SLC4A10: variants seen among roughly 807,000 people sequenced by gnomAD.
SLC4A10 encodes the protein sodium-driven chloride bicarbonate exchanger.
A neutral mutation model predicts 137.7 loss-of-function variants in SLC4A10; 42 were observed. The observed-to-expected ratio is 0.30, with a 90% CI of 0.24 to 0.39. SLC4A10 has a LOEUF of 0.39. SLC4A10 is among the 10% of genes least tolerant of loss of function. The pLI is 1.00. For synonymous variants in SLC4A10, 474 were observed against 464.1 expected (o/e 1.02, Z -0.27); for missense variants, 925 against 1,355.0 (o/e 0.68, Z 4.98).
At chr2:161,856,237 C>T (rs575327807) in intron 5 of SLC4A10, among the ~76,000 whole-genome samples, 1 of 151,984 alleles carries the variant, frequency 6.6e-6, no homozygotes, top group African/African-American at 2.4e-5. Flanking sequence ...ACATTTATCA[C>T]CTTAAAAATT....
intron 1 of SLC4A10, among the ~76,000 whole-genome samples, chr2:161,761,467 G>A (rs1257163672): frequency 6.6e-6 from 1 of 151,908 alleles, no homozygotes; most frequent in Non-Finnish European, 1.5e-5. Flanking sequence ...GAAATCTAGT[G>A]GCAGTTAATA....
chr2:161,724,730 C>A (rs2046043864), intron 1 of SLC4A10, among the ~76,000 whole-genome samples: 1 of 152,086 alleles, frequency 6.6e-6, no homozygotes, highest in East Asian at 1.9e-4. Flanking sequence ...AATGCCATTG[C>A]CCCCTCATTT....
At chr2:161,917,374 T>C (rs2105466669) in intron 15 of SLC4A10, among the ~76,000 whole-genome samples, 1 of 151,916 alleles carries the variant, frequency 6.6e-6, no homozygotes, top group Non-Finnish European at 1.5e-5. Context: ...GTGTAGATAG[T>C]GTAGATAGTT....
chr2:161,846,851 A>G (rs1273311874), intron 4 of SLC4A10, among the ~76,000 whole-genome samples: 10 of 152,192 alleles, frequency 6.6e-5, no homozygotes, highest in Admixed American at 6.6e-4. Flanking sequence ...ATAAAGGTGC[A>G]GCACAAGGGA....
chr2:161,800,668 G>A (rs1022461765), intron 2 of SLC4A10, among the ~76,000 whole-genome samples: 6 of 152,036 alleles, frequency 3.9e-5, no homozygotes, highest in African/African-American at 9.7e-5. Flanking sequence ...GTATCGAAGA[G>A]AATGACAGTA....
rs981422554 is a variant in SLC4A10 at position 161,896,864 on chromosome 2, C to A, written c.1341+2039C>A. On this transcript the variant is annotated intron_variant, in intron 11 of 26. Coordinates refer to ENST00000446997, the MANE Select transcript of SLC4A10 (RefSeq NM_001178015.2). ...CATATGCCTGGAAAGATTTTAGCCC[C>A]TACTTAAAACATATTATCCAAGAGG... Among the ~76,000 whole-genome samples, 3 of 152,026 alleles carry A rather than the reference C, an allele frequency of 2.0e-5. No individual in the cohort carries two copies. In the East Asian group the frequency reaches 5.8e-4, roughly 29 times the overall value.
intron 1 of SLC4A10, among the ~76,000 whole-genome samples, chr2:161,713,737 G>A (rs1347107121): frequency 6.6e-6 from 1 of 151,782 alleles, no homozygotes; most frequent in African/African-American, 2.4e-5. Context: ...CACGGAAGTC[G>A]CTGAATATTT....
At chr2:161,718,591 C>G (rs928986322) in intron 1 of SLC4A10, among the ~76,000 whole-genome samples, 1 of 152,098 alleles carries the variant, frequency 6.6e-6, no homozygotes, top group Non-Finnish European at 1.5e-5. Context: ...TGTTCAATTT[C>G]CATGTAGTTG....
intron 15 of SLC4A10, among the ~76,000 whole-genome samples, chr2:161,939,712 A>G (rs781335634): frequency 6.6e-6 from 1 of 152,160 alleles, no homozygotes; most frequent in Non-Finnish European, 1.5e-5. Context: ...TTGCCTAAAG[A>G]TTGATTCTAA....
At position 161,858,038 on chromosome 2, in the gene SLC4A10, G is replaced by T. The variant is rs1392389531; in HGVS notation, c.577+2908G>T. Among the ~76,000 whole-genome samples, 11 of 152,000 alleles carry T rather than the reference G, an allele frequency of 7.2e-5. No homozygotes were observed. The East Asian group carries it at 2.1e-3, about 29-fold the overall frequency. ...TAATTTTTGTTTTATTCTGTTTCAT[G>T]ATCATTTGTGGCCATAGTGATTAAC... On this transcript the variant is annotated intron_variant, in intron 5 of 26. Transcript: ENST00000446997.
chr2:161,859,899 C>T (rs1162891525), intron 5 of SLC4A10, among the ~76,000 whole-genome samples: 1 of 152,166 alleles, frequency 6.6e-6, no homozygotes, highest in Non-Finnish European at 1.5e-5. Context: ...CGCGCCTTTT[C>T]TCTTATCACC....
At chr2:161,807,903 C>T (rs1442833746) in intron 3 of SLC4A10, among the ~76,000 whole-genome samples, 3 of 151,922 alleles carry the variant, frequency 2.0e-5, no homozygotes, top group Non-Finnish European at 2.9e-5. Flanking sequence ...TATGCAATTC[C>T]AAATTGACAA....
At chr2:161,685,371 C>T (rs1010432335) in intron 1 of SLC4A10, among the ~76,000 whole-genome samples, 1 of 151,882 alleles carries the variant, frequency 6.6e-6, no homozygotes, top group African/African-American at 2.4e-5. Context: ...TTTGGGAGGC[C>T]GAGGTGGGTG....
intron 12 of SLC4A10, among the ~76,000 whole-genome samples, chr2:161,902,695 G>A (rs1683389709): frequency 1.3e-5 from 2 of 152,112 alleles, no homozygotes; most frequent in Admixed American, 1.3e-4. Flanking sequence ...AATAGTAGAA[G>A]AGTTATTAAT....
chr2:161,864,396 A>C (rs935483036), intron 6 of SLC4A10, among the ~76,000 whole-genome samples: 1 of 152,148 alleles, frequency 6.6e-6, no homozygotes, highest in Non-Finnish European at 1.5e-5. Flanking sequence ...AGTTTTCTTC[A>C]GATTTGCTTC....
At chr2:161,830,097 C>T (rs973936174) in intron 3 of SLC4A10, among the ~76,000 whole-genome samples, 1 of 149,430 alleles carries the variant, frequency 6.7e-6, no homozygotes, top group Non-Finnish European at 1.5e-5. Flanking sequence ...TAAAAATTGA[C>T]ATAAGTGTGC....
At chr2:161,721,262 G>A (rs114150818) in intron 1 of SLC4A10, among the ~76,000 whole-genome samples, 138 of 152,282 alleles carry the variant, frequency 9.1e-4, no homozygotes, top group African/African-American at 3.2e-3. Flanking sequence ...TGTTAGTGTA[G>A]TTGCTTCATA....
intron 1 of SLC4A10, among the ~76,000 whole-genome samples, chr2:161,731,020 ATGT>A (rs1366523027): frequency 6.6e-6 from 1 of 152,148 alleles, no homozygotes; most frequent in South Asian, 2.1e-4. Flanking sequence ...CATTTAATAA[ATGT>A]TGTTTTGAAT....
At chr2:161,816,683 T>C (rs1435152405) in intron 3 of SLC4A10, among the ~76,000 whole-genome samples, 2 of 137,070 alleles carry the variant, frequency 1.5e-5, no homozygotes, top group Admixed American at 8.1e-5. Context: ...CCTGTGTCCA[T>C]GTGTTCTCAT....
Sources: gnomAD v4.1 joint callset for allele counts (sites outside exome capture counted in the v4.1 genomes callset) on GRCh38, gnomAD v4.1.1 for gene constraint, MANE v1.5 for transcripts, NCBI Gene and HGNC (gene_info 2026-07-23, HGNC 2026-07-21) for gene names.